The following PRAG1 variants were observed in gnomAD, a reference collection of about 807,000 sequenced individuals.
The protein encoded by PRAG1 is PEAK1 related, kinase-activating pseudokinase 1.
PRAG1 carries 110 observed loss-of-function variants against 95.6 expected under a neutral mutation model. The ratio of observed to expected loss-of-function variants is 1.15; its 90% CI spans 0.99 to 1.35. The LOEUF is 1.35. Among genes scored for constraint, PRAG1 ranks in the 40% most tolerant of loss-of-function variants. PRAG1 has a pLI of 0.00. For synonymous variants in PRAG1, 1,052 were observed against 819.4 expected, an observed-to-expected ratio of 1.28 and a Z score of -4.85; for missense variants, 2,554 against 1,864.7, an observed-to-expected ratio of 1.37 and a Z score of -6.81.
intron 3 of PRAG1, among the ~76,000 whole-genome samples, chr8:8,370,669 A>G (rs945851237): frequency 1.3e-5 from 2 of 152,276 alleles, no homozygotes; most frequent in Admixed American, 6.5e-5. Context: ...ACAAACACCC[A>G]TCTCACTCAT....
intron 4 of PRAG1, among the ~76,000 whole-genome samples, chr8:8,336,023 C>T (rs180851960): frequency 1.3e-5 from 2 of 152,318 alleles, no homozygotes; most frequent in East Asian, 3.9e-4. Flanking sequence ...AATTAGTGTT[C>T]TGTATCTCTG....
intron 5 of PRAG1, among the ~76,000 whole-genome samples, chr8:8,327,015 A>G (rs1354936767): frequency 6.6e-6 from 1 of 152,178 alleles, no homozygotes; most frequent in African/African-American, 2.4e-5. Flanking sequence ...CTCATTATCC[A>G]TCTCCCTCAC....
chr8:8,373,292 G>A (rs1160465535), intron 3 of PRAG1, among the ~76,000 whole-genome samples: 1 of 152,112 alleles, frequency 6.6e-6, no homozygotes, highest in Non-Finnish European at 1.5e-5. Flanking sequence ...TATGTTCCCA[G>A]GCCTGCCCTC....
chr8:8,339,586 G>T lies in PRAG1; in HGVS notation c.2212C>A (p.Gln738Lys). Reference sequence around the variant, plus strand: ...GGGCTGAGGCTTTCTGCAGAGCCCTGGCTCACTTTTTCCAAATCAGAGCTG... The same window carrying T: ...GGGCTGAGGCTTTCTGCAGAGCCCTTGCTCACTTTTTCCAAATCAGAGCTG... ...KSSSDLEKVS[Q>K]GSAESLSPSF... Residue 738 changes from glutamine to lysine, a missense_variant, in exon 4 of 6, where the codon CAG becomes AAG. Transcript: ENST00000615670. 6.2e-7 allele frequency: 1 copy of T among 1,614,036 alleles called. No individual in the cohort carries two copies. Among genetic ancestry groups the T allele is most frequent in the Non-Finnish European group, 8.5e-7 (1 of 1,179,936 alleles).
intron 3 of PRAG1, among the ~76,000 whole-genome samples, chr8:8,360,170 T>C (rs1333613044): frequency 1.3e-5 from 2 of 152,188 alleles, no homozygotes; most frequent in Non-Finnish European, 2.9e-5. Context: ...CCTCTATTCT[T>C]CTTCAGAAGT....
intron 3 of PRAG1, among the ~76,000 whole-genome samples, chr8:8,343,492 AC>A (rs1165927404): frequency 6.6e-6 from 1 of 151,852 alleles, no homozygotes; most frequent in African/African-American, 2.4e-5. Flanking sequence ...ACAGAACAGA[AC>A]AGAAAATATG....
At chr8:8,322,370 C>T (rs1163415058) in intron 5 of PRAG1, among the ~76,000 whole-genome samples, 1 of 152,058 alleles carries the variant, frequency 6.6e-6, no homozygotes, top group Non-Finnish European at 1.5e-5. Context: ...TTAGTAGAGA[C>T]AGGGTTTCAC....
At chr8:8,352,236 C>A (rs564976712) in intron 3 of PRAG1, among the ~76,000 whole-genome samples, 41 of 152,302 alleles carry the variant, frequency 2.7e-4, no homozygotes, top group East Asian at 1.9e-4. Context: ...GAGCAGACAC[C>A]ATCACAGGTT....
intron 3 of PRAG1, among the ~76,000 whole-genome samples, chr8:8,356,884 T>A (rs886799807): frequency 1.3e-5 from 2 of 152,166 alleles, no homozygotes; most frequent in African/African-American, 4.8e-5. Flanking sequence ...CCCTCATGTA[T>A]ACGGTCAAAT....
At chr8:8,368,922 A>G (rs1324626057) in intron 3 of PRAG1, among the ~76,000 whole-genome samples, 10 of 139,902 alleles carry the variant, frequency 7.1e-5, no homozygotes, top group Non-Finnish European at 6.3e-5. Flanking sequence ...GCTCAGGTTG[A>G]AAAAAAAAAA....
In PRAG1 at chr8:8,318,714, T is replaced by G; in HGVS notation, c.3661A>C (p.Lys1221Gln). 6.2e-7 allele frequency: 1 copy of G among 1,609,612 alleles called. No individual in the cohort carries two copies. The change falls in exon 6 of 6, where the codon AAG becomes CAG. Residue 1221 changes from lysine (K) to glutamine (Q), a missense_variant. Physicochemically the swap from Lys to Gln is moderately conservative, Grantham distance 53. Coordinates refer to ENST00000615670, the MANE Select transcript of PRAG1 (RefSeq NM_001080826.3). The surrounding 1 kb of genome is among the most constrained non-coding windows in gnomAD (Gnocchi z 4.2). Reference protein sequence around the residue: ...RLIISNFLKAKQKPGGTPNLQ... With the variant: ...RLIISNFLKAQQKPGGTPNLQ... ...TTTGGGGTGCCGCCCGGCTTCTGCT[T>G]GGCCTTCAAAAAGTTGCTGATGATG...
chr8:8,380,124 A>G (rs1800582961), intron 2 of PRAG1, among the ~76,000 whole-genome samples: 1 of 152,008 alleles, frequency 6.6e-6, no homozygotes, highest in Non-Finnish European at 1.5e-5. Flanking sequence ...AAAAACGCCA[A>G]ATAAGCCAAG....
At position 8,376,698 on chromosome 8, in the gene PRAG1, C is replaced by G; in HGVS notation, c.1711G>C (p.Ala571Pro). ...CCAGAGCTCCCATCACTAAGGTCAGCCAGCGGTGACACTGGGGGCCCTCCA... is the reference window on the plus strand; with the variant it reads ...CCAGAGCTCCCATCACTAAGGTCAGGCAGCGGTGACACTGGGGGCCCTCCA... ...SAGGPPVSPL[A>P]DLSDGSSGGS... Residue 571 changes from alanine to proline, a missense_variant, in exon 3 of 6, where the codon GCT (alanine) becomes CCT (proline). Coordinates refer to ENST00000615670, the MANE Select transcript of PRAG1 (RefSeq NM_001080826.3). The G allele has an allele frequency of 6.2e-7, 1 of 1,611,464 alleles. No homozygotes were observed. Among genetic ancestry groups the G allele is most frequent in the African/African-American group, 1.3e-5 (1 of 75,026 alleles).
intron 3 of PRAG1, among the ~76,000 whole-genome samples, chr8:8,345,713 C>T (rs1390765342): frequency 3.9e-5 from 6 of 152,080 alleles, no homozygotes; most frequent in Non-Finnish European, 7.4e-5. Flanking sequence ...GAGAATCGCT[C>T]AAACCCGGGA....
intron 3 of PRAG1, among the ~76,000 whole-genome samples, chr8:8,369,849 G>C (rs1159289849): frequency 6.6e-6 from 1 of 152,062 alleles, no homozygotes; most frequent in Non-Finnish European, 1.5e-5. Flanking sequence ...GATGTGGTGA[G>C]AATCCAGGTC....
At chr8:8,385,011 G>C (rs1392078435) in intron 1 of PRAG1, among the ~76,000 whole-genome samples, 3 of 152,178 alleles carry the variant, frequency 2.0e-5, no homozygotes, top group Non-Finnish European at 4.4e-5. Flanking sequence ...TTTCAAAAAA[G>C]AATCTGAAGA....
At chr8:8,374,387 G>A (rs1321536243) in intron 3 of PRAG1, among the ~76,000 whole-genome samples, 3 of 152,218 alleles carry the variant, frequency 2.0e-5, no homozygotes, top group African/African-American at 7.2e-5. Context: ...CAATTTGGAT[G>A]TTTTACTCTC....
At chr8:8,323,127 G>A (rs1798525682) in intron 5 of PRAG1, among the ~76,000 whole-genome samples, 1 of 152,176 alleles carries the variant, frequency 6.6e-6, no homozygotes, top group East Asian at 1.9e-4. Context: ...CAAGATGGGA[G>A]ACTGTCGCCT....
intron 2 of PRAG1, among the ~76,000 whole-genome samples, chr8:8,380,207 G>T (rs1342943614): frequency 6.6e-6 from 1 of 152,050 alleles, no homozygotes; most frequent in East Asian, 1.9e-4. Context: ...CCTGGGAGGT[G>T]GAGATTGCAG....
Sources: gnomAD v4.1 joint callset for allele counts (sites outside exome capture counted in the v4.1 genomes callset) on GRCh38, gnomAD v4.1.1 for gene constraint, Gnocchi (gnomAD v3.1) non-coding constraint, MANE v1.5 for transcripts, NCBI Gene and HGNC (gene_info 2026-07-23, HGNC 2026-07-21) for gene names.